Variants in ARHGAP6 observed in about 807,000 individuals in gnomAD.
ARHGAP6 encodes the protein Rho GTPase activating protein 6.
ARHGAP6 carries 16 observed loss-of-function variants against 55.7 expected under a neutral mutation model. The ratio of observed to expected loss-of-function variants is 0.29; its 90% confidence interval spans 0.19 to 0.44. The LOEUF (loss-of-function observed/expected upper bound fraction) is 0.44, where lower values mean the gene tolerates loss of function less well. ARHGAP6 is among the 20% of genes least tolerant of loss of function. The probability of loss-of-function intolerance (pLI) is 1.00; values close to 1 mark genes in which losing one functional copy is unlikely to be tolerated. For missense variants in ARHGAP6, 698 were observed against 808.9 expected (o/e 0.86, Z 1.66); for synonymous variants, 382 against 360.9 (o/e 1.06, Z -0.66).
intron 2 of ARHGAP6, among the ~76,000 whole-genome samples, chrX:11,226,447 ATTAC>A (rs753735382): frequency 2.7e-5 from 3 of 111,566 alleles, no homozygotes; most frequent in Non-Finnish European, 5.6e-5. Flanking sequence ...TACATTATAA[ATTAC>A]TTACCATTTT....
intron 1 of ARHGAP6, among the ~76,000 whole-genome samples, chrX:11,529,151 C>T (rs1208432089): frequency 3.6e-5 from 4 of 111,606 alleles, no homozygotes; most frequent in Non-Finnish European, 7.5e-5. Context: ...ATAGTAAGTG[C>T]TTGATAAATG....
At chrX:11,435,094 G>C (rs2147792178) in intron 1 of ARHGAP6, among the ~76,000 whole-genome samples, 1 of 111,859 alleles carries the variant, frequency 8.9e-6, no homozygotes, top group East Asian at 2.8e-4. Flanking sequence ...GGAGGGAGGG[G>C]GAGATGCTAC....
chrX:11,196,473 G>GA (rs1231545576), intron 3 of ARHGAP6, among the ~76,000 whole-genome samples: 97 of 107,122 alleles, frequency 9.1e-4, no homozygotes, highest in African/African-American at 2.2e-3. Flanking sequence ...TCAACTGGGT[G>GA]AAAAAAAAAA....
chrX:11,588,160 A>T (rs1601674059), intron 1 of ARHGAP6, among the ~76,000 whole-genome samples: 1 of 112,235 alleles, frequency 8.9e-6, no homozygotes, highest in African/African-American at 3.2e-5. Context: ...GTCATTAGAC[A>T]TTCTTAAAGG....
intron 1 of ARHGAP6, among the ~76,000 whole-genome samples, chrX:11,620,834 A>G (rs779554615): frequency 9.0e-6 from 1 of 111,560 alleles, no homozygotes; most frequent in African/African-American, 3.3e-5. Flanking sequence ...ACATTCTACA[A>G]TGCAAAGGAC....
chrX:11,215,356 G>A (rs1331408975), intron 2 of ARHGAP6, among the ~76,000 whole-genome samples: 2 of 112,997 alleles, frequency 1.8e-5, no homozygotes, highest in African/African-American at 6.4e-5. Context: ...TGTCTCAATG[G>A]CTCCGCGAGG....
Position 11,427,872 on chromosome X carries a change from C to T in ARHGAP6, c.589-173165G>A, listed in dbSNP as rs1310928779. 7 of 626,638 alleles carry T rather than the reference C, an allele frequency of 1.1e-5. No homozygotes were observed. The East Asian group carries it at 1.1e-3, about 96-fold the overall frequency. 51.6% of individuals were successfully genotyped at this position (626,638 alleles called of 1,213,427 possible). ...AGGAGGAGGAGGAGGAGGGAGCGGC[C>T]GAGTCTGATGCGATGGGCGGGCGTT... On this transcript the variant is annotated intron_variant, in intron 1 of 12. Transcript: ENST00000337414.
intron 1 of ARHGAP6, among the ~76,000 whole-genome samples, chrX:11,486,195 C>T (rs192504186): frequency 1.3e-3 from 147 of 111,638 alleles, no homozygotes; most frequent in Non-Finnish European, 2.4e-3. Context: ...ATAAACTTGC[C>T]CAGATGTCAT....
chrX:11,427,277 A>C (rs778491405), intron 1 of ARHGAP6, among the ~76,000 whole-genome samples: 65 of 112,389 alleles, frequency 5.8e-4, no homozygotes, highest in African/African-American at 2.1e-3. Flanking sequence ...GTGGTGGCGG[A>C]GTCCAGCCCC....
intron 1 of ARHGAP6, among the ~76,000 whole-genome samples, chrX:11,426,810 CCTT>C (rs749095926): frequency 5.3e-4 from 58 of 109,430 alleles, no homozygotes; most frequent in African/African-American, 1.9e-3. Flanking sequence ...AATCTTGACT[CCTT>C]CTTCAAAGAA....
intron 1 of ARHGAP6, among the ~76,000 whole-genome samples, chrX:11,635,903 G>T (rs989480837): frequency 1.6e-4 from 18 of 112,029 alleles, no homozygotes; most frequent in African/African-American, 5.8e-4. Context: ...TACTTGGTAA[G>T]AGAGAACAAA....
intron 2 of ARHGAP6, among the ~76,000 whole-genome samples, chrX:11,213,384 C>G (rs1203066873): frequency 8.9e-6 from 1 of 112,525 alleles, no homozygotes; most frequent in Non-Finnish European, 1.9e-5. Context: ...ATTCAATCCA[C>G]CAATCCCACC....
chrX:11,532,694 CA>C (rs1397075776), intron 1 of ARHGAP6, among the ~76,000 whole-genome samples: 3 of 94 alleles, frequency 0.032, no homozygotes, highest in Non-Finnish European at 0.058. Flanking sequence ...CCAATCTCAG[CA>C]TTAAAGATAA....
intron 1 of ARHGAP6, among the ~76,000 whole-genome samples, chrX:11,415,045 T>C (rs1280272428): frequency 8.9e-6 from 1 of 112,204 alleles, no homozygotes; most frequent in African/African-American, 3.2e-5. Context: ...AAAAAATAAG[T>C]ATGTGAAGTA....
chrX:11,355,766 A>G (rs906535253), intron 1 of ARHGAP6, among the ~76,000 whole-genome samples: 17 of 111,443 alleles, frequency 1.5e-4, no homozygotes, highest in Admixed American at 5.7e-4. Context: ...TAAAGTGTCA[A>G]TGAGTGATAT....
intron 1 of ARHGAP6, among the ~76,000 whole-genome samples, chrX:11,446,751 T>C (rs1270511885): frequency 8.9e-6 from 1 of 112,348 alleles, no homozygotes; most frequent in Non-Finnish European, 1.9e-5. Flanking sequence ...GTAAATACTT[T>C]ACAGAGACAA....
intron 10 of ARHGAP6, among the ~76,000 whole-genome samples, chrX:11,151,638 A>G (rs191291688): frequency 4.8e-4 from 54 of 112,537 alleles, no homozygotes; most frequent in African/African-American, 1.7e-3. Context: ...TGTTGCATAA[A>G]GAAGTGAAAA....
At chrX:11,551,931 C>T (rs1229174929) in intron 1 of ARHGAP6, among the ~76,000 whole-genome samples, 2 of 112,018 alleles carry the variant, frequency 1.8e-5, no homozygotes, top group South Asian at 3.7e-4. Context: ...TGGATCAATA[C>T]ATTTGTTTAA....
intron 1 of ARHGAP6, among the ~76,000 whole-genome samples, chrX:11,553,429 CAGG>C (rs2051290685): frequency 9.1e-6 from 1 of 110,328 alleles, no homozygotes; most frequent in Non-Finnish European, 1.9e-5. Flanking sequence ...TTTTTTTAGA[CAGG>C]AGGTCTCACC....
Sources: gnomAD v4.1 joint callset for allele counts (sites outside exome capture counted in the v4.1 genomes callset) on GRCh38, gnomAD v4.1.1 for gene constraint, MANE v1.5 for transcripts, NCBI Gene and HGNC (gene_info 2026-07-23, HGNC 2026-07-21) for gene names.